Variants in ZNF675 observed in about 807,000 individuals in gnomAD.
ZNF675 encodes the protein zinc finger protein 675, also known as TRAF6 inhibitory zinc finger.
In ZNF675, 36 loss-of-function variants were observed where a neutral mutation model predicts 56.1. The observed-to-expected ratio is 0.64, with a 90% CI of 0.49 to 0.85. The LOEUF (loss-of-function observed/expected upper bound fraction) is 0.85. Ranked by LOEUF, ZNF675 falls within the 40% of genes least tolerant of loss-of-function variation. The pLI, the probability that ZNF675 is intolerant of heterozygous loss-of-function variation, is 0.00. For missense variants in ZNF675, 663 were observed against 654.2 expected (o/e 1.01, Z -0.15); for synonymous variants, 200 against 218.9 (o/e 0.91, Z 0.76).
rs1968454096 is a variant in ZNF675, at chr19:23,687,102, C to G, written c.-69G>C. 1 of 1,588,514 alleles carries G rather than the reference C, an allele frequency of 6.3e-7. No individual in the cohort carries two copies. The highest frequency in any genetic ancestry group is 1.3e-5 in the African/African-American group (1 of 74,380). On this transcript the variant is annotated 5_prime_UTR_variant, in exon 1 of 4. Coordinates refer to ENST00000359788, the MANE Select transcript of ZNF675 (RefSeq NM_138330.3). ...TCAATTTCTGCAGGTCACAGGCCCA[C>G]AGAGGCTGGACCTCTAGGAGCAGAG...
rs1555706356 is a variant in ZNF675 at position 23,658,886 on chromosome 19, T to TATATAGATATATCTATATATAGAA, written c.226+3227_226+3228insTTCTATATATAGATATATCTATAT. Among the ~76,000 whole-genome samples, 89 of 43,690 alleles carry TATATAGATATATCTATATATAGAA rather than the reference T, an allele frequency of 2.0e-3. 2 individuals are homozygous for TATATAGATATATCTATATATAGAA. The East Asian group carries it at 0.044, about 22-fold the overall frequency. 28.7% of individuals were successfully genotyped at this position (43,690 alleles called of 152,430 possible). ...AAATAGATCTATAGATATCTATAGA[T>TATATAGATATATCTATATATAGAA]ATAGATCTATAGATATCTATAGATA... On this transcript the variant is annotated intron_variant, in intron 3 of 3. Transcript: ENST00000359788.
rs567133108 is a variant in ZNF675, at chr19:23,653,490, C to T, written c.1443G>A (p.Lys481=). ...KKIHSGEIPY[K]CEECGKAFKH... is the part of the protein sequence containing the mutation. The stretch of plus-strand genomic sequence containing the variant: ...TAAAAGCTTTGCCACATTCTTCACA[C>T]TTGTAGGGTATCTCTCCAGAATGAA... The change falls in exon 4 of 4, where the codon AAG becomes AAA. Residue 481 remains lysine, a synonymous_variant. Coordinates refer to ENST00000359788, the MANE Select transcript of ZNF675 (RefSeq NM_138330.3). 1.1e-4 allele frequency: 182 copies of T among 1,591,416 alleles called. No homozygotes were observed. The highest frequency in any genetic ancestry group is 1.4e-4 in the Non-Finnish European group (165 of 1,170,950).
intron 1 of ZNF675, among the ~76,000 whole-genome samples, chr19:23,669,838 G>A (rs1034055545): frequency 2.1e-5 from 3 of 140,788 alleles, no homozygotes; most frequent in African/African-American, 5.3e-5. Flanking sequence ...GGACAACAGA[G>A]CAAGACTCTG....
intron 1 of ZNF675, among the ~76,000 whole-genome samples, chr19:23,680,338 T>G (rs1157710927): frequency 6.6e-6 from 1 of 151,714 alleles, no homozygotes; most frequent in Non-Finnish European, 1.5e-5. Flanking sequence ...ATAAACATCA[T>G]GGAACACTGT....
intron 1 of ZNF675, among the ~76,000 whole-genome samples, chr19:23,679,166 CAAAA>C (rs33936196): frequency 1.0e-5 from 1 of 99,332 alleles, no homozygotes; most frequent in Non-Finnish European, 1.9e-5. Context: ...GACTCCGTCT[CAAAA>C]AAAAAAAAAA....
intron 1 of ZNF675, among the ~76,000 whole-genome samples, chr19:23,685,766 G>C (rs1968435280): frequency 6.6e-6 from 1 of 152,124 alleles, no homozygotes; most frequent in African/African-American, 2.4e-5. Context: ...AATTAGAAAG[G>C]GGAAGCTGGC....
chr19:23,682,098 A>C (rs1968384709), intron 1 of ZNF675, among the ~76,000 whole-genome samples: 1 of 151,768 alleles, frequency 6.6e-6, no homozygotes, highest in South Asian at 2.1e-4. Flanking sequence ...AATCAGCTAA[A>C]TTTGTCTTCA....
chr19:23,671,983 A>G (rs1392428394), intron 1 of ZNF675, among the ~76,000 whole-genome samples: 1 of 152,056 alleles, frequency 6.6e-6, no homozygotes, highest in Non-Finnish European at 1.5e-5. Flanking sequence ...TCAGCCTTAC[A>G]CAATTCTGTT....
intron 1 of ZNF675, among the ~76,000 whole-genome samples, chr19:23,677,370 A>G (rs1182926734): frequency 6.6e-6 from 1 of 151,808 alleles, no homozygotes; most frequent in Non-Finnish European, 1.5e-5. Context: ...AATTAGTAGC[A>G]TCTCTGTACA....
chr19:23,669,907 G>A (rs1450019057), intron 1 of ZNF675, among the ~76,000 whole-genome samples: 2 of 151,888 alleles, frequency 1.3e-5, no homozygotes, highest in African/African-American at 2.4e-5. Flanking sequence ...CAGTGGTGGA[G>A]GGAACCATTC....
intron 1 of ZNF675, among the ~76,000 whole-genome samples, chr19:23,679,986 G>A (rs11882646): frequency 0.97 from 146,146 of 150,388 alleles, 71,225 homozygotes; most frequent in Middle Eastern, 1. Flanking sequence ...GCGAGACTCC[G>A]TACCCCCCCC....
chr19:23,674,652 C>A (rs1222836060), intron 1 of ZNF675, among the ~76,000 whole-genome samples: 1 of 149,120 alleles, frequency 6.7e-6, no homozygotes, highest in Admixed American at 6.7e-5. Context: ...GCAAAATATT[C>A]TTTATTATTT....
At chr19:23,686,838 G>A (rs1352300906) in intron 1 of ZNF675, among the ~76,000 whole-genome samples, 193 bp downstream of exon 1, 3 of 152,178 alleles carry the variant, frequency 2.0e-5, no homozygotes, top group African/African-American at 7.2e-5. Flanking sequence ...AGAAGAGACG[G>A]GATGCCCCGG....
intron 1 of ZNF675, among the ~76,000 whole-genome samples, chr19:23,664,820 A>C (rs1237963127): frequency 6.6e-6 from 1 of 152,128 alleles, no homozygotes; most frequent in Non-Finnish European, 1.5e-5. Flanking sequence ...GCATAATGGT[A>C]CGTGCCTGTA....
rs775944939 is a variant in ZNF675 at position 23,654,678 on chromosome 19, A to T, written c.255T>A (p.Phe85Leu). 3.0e-5 allele frequency: 47 copies of T among 1,552,526 alleles called. No individual in the cohort carries two copies. The highest frequency in any genetic ancestry group is 3.7e-5 in the Non-Finnish European group (43 of 1,151,768). The change falls in exon 4 of 4, where the codon TTT (phenylalanine) becomes TTA (leucine). Residue 85 changes from phenylalanine (F) to leucine (L), a missense_variant. Physicochemically the swap from Phe to Leu is conservative, Grantham distance 22. Transcript: ENST00000359788. The stretch of plus-strand genomic sequence containing the variant: ...AATCTTTTATGTTCTGCTCTGGCCA[A>T]AACTCTTGGGCAAAATGAGAACACA... ...PVMCSHFAQE[F>L]WPEQNIKDSF...
At chr19:23,658,169 G>C (rs748238878) in intron 3 of ZNF675, among the ~76,000 whole-genome samples, 1 of 151,964 alleles carries the variant, frequency 6.6e-6, no homozygotes, top group South Asian at 2.1e-4. Context: ...GACCAGACTC[G>C]GCAACACGGT....
intron 1 of ZNF675, among the ~76,000 whole-genome samples, chr19:23,666,144 T>G (rs542140828): frequency 6.6e-6 from 1 of 152,212 alleles, no homozygotes; most frequent in African/African-American, 2.4e-5. Context: ...TAACTTTCCA[T>G]GCCTAAGTAA....
rs757560419 is a variant in ZNF675 at position 23,663,014 on chromosome 19, T to C, written c.130+18A>G. 2 of 1,555,272 alleles carry C rather than the reference T, an allele frequency of 1.3e-6. No individual in the cohort carries two copies. Reference sequence around the variant, plus strand: ...AAAACAAAAAAAAAAAGAAACTGTGTGTTTAAGTTATCCTTACCCAGGAAG... The same window carrying C: ...AAAACAAAAAAAAAAAGAAACTGTGCGTTTAAGTTATCCTTACCCAGGAAG... On this transcript the variant is annotated intron_variant, in intron 2 of 3. Transcript: ENST00000359788.
At position 23,662,147 on chromosome 19, in the gene ZNF675, C is replaced by T. The variant is rs1968087261; in HGVS notation, c.193G>A (p.Val65Met). Reference protein sequence around the residue: ...CLEQEKEPLTVKRHEMVNEPP... With the variant: ...CLEQEKEPLTMKRHEMVNEPP... ...TCATTCACCATCTCATGTCTCTTCA[C>T]AGTCAAAGGCTCTTTTTCTTGCTCC... The change falls in exon 3 of 4, where the codon GTG becomes ATG. Residue 65 changes from valine to methionine, a missense_variant. Around this residue, in one of 3 missense-constraint regions of ZNF675, gnomAD observed 617 missense variants for 590.5 expected, o/e 1.04. Coordinates refer to ENST00000359788, the MANE Select transcript of ZNF675 (RefSeq NM_138330.3). 1.9e-6 allele frequency: 3 copies of T among 1,613,486 alleles called. No individual in the cohort carries two copies. Among genetic ancestry groups the T allele is most frequent in the Non-Finnish European group, 2.5e-6 (3 of 1,179,788 alleles).
Sources: gnomAD v4.1 joint callset for allele counts (sites outside exome capture counted in the v4.1 genomes callset) on GRCh38, gnomAD v4.1.1 for gene constraint, gnomAD v4.1.1 regional missense constraint, MANE v1.5 for transcripts, NCBI Gene and HGNC (gene_info 2026-07-23, HGNC 2026-07-21) for gene names.